Variants in PCP4L1 observed in about 807,000 individuals in gnomAD.
The protein encoded by PCP4L1 is Purkinje cell protein 4-like protein 1.
In PCP4L1, 9 loss-of-function variants were observed where a neutral mutation model predicts 9.6. The ratio of observed to expected loss-of-function variants is 0.94; its 90% CI spans 0.57 to 1.64. PCP4L1 has a LOEUF of 1.64. PCP4L1 is among the 40% of genes most tolerant of loss of function. The pLI is 0.00. For synonymous variants in PCP4L1, 31 were observed against 28.2 expected (o/e 1.10, Z -0.31); for missense variants, 81 against 80.8 (o/e 1.00, Z -0.01).
rs562150101 is a variant in PCP4L1 at position 161,258,777 on chromosome 1, C to G, written c.-198C>G. The G allele has an allele frequency of 7.3e-6, 6 of 824,308 alleles. No homozygotes were observed. In the South Asian group the frequency reaches 9.8e-5, roughly 14 times the overall value. The allele number at this position is 824,308 out of a possible 1,614,324, so 51.1% of individuals were successfully genotyped here. On this transcript the variant is annotated 5_prime_UTR_variant, in exon 1 of 3. Transcript: ENST00000504449. ...TCTGACAGGACGGGTCGCAGGGGGT[C>G]GCCTGGCCGGAGCTGGGCTCCGAGA...
chr1:161,279,373 C>T (rs1669756491), intron 1 of PCP4L1, among the ~76,000 whole-genome samples: 1 of 152,144 alleles, frequency 6.6e-6, no homozygotes, highest in Non-Finnish European at 1.5e-5. Context: ...ACAATACTTG[C>T]CATGTGATTA....
intron 1 of PCP4L1, among the ~76,000 whole-genome samples, chr1:161,281,739 C>A (rs533689926): frequency 0.45 from 57,581 of 127,344 alleles, 14,120 homozygotes; most frequent in East Asian, 0.65. Flanking sequence ...CGCTCCTCAC[C>A]TCCCAGACGG....
At chr1:161,283,068 T>A (rs1165468833) in intron 1 of PCP4L1, among the ~76,000 whole-genome samples, 1 of 152,158 alleles carries the variant, frequency 6.6e-6, no homozygotes. Flanking sequence ...CCCTACATAA[T>A]CTGCTTCCAC....
intron 1 of PCP4L1, among the ~76,000 whole-genome samples, chr1:161,282,522 C>T (rs1320431196): frequency 6.6e-6 from 1 of 152,122 alleles, no homozygotes; most frequent in Non-Finnish European, 1.5e-5. Flanking sequence ...TTGGTGATCC[C>T]ATTCAGTCTC....
intron 1 of PCP4L1, among the ~76,000 whole-genome samples, chr1:161,270,980 G>T (rs1157169165): frequency 3.9e-5 from 6 of 152,120 alleles, no homozygotes; most frequent in Admixed American, 2.0e-4. Flanking sequence ...GGCCTCACCA[G>T]TCATTAATTC....
intron 1 of PCP4L1, among the ~76,000 whole-genome samples, chr1:161,278,452 C>G (rs893007698): frequency 3.4e-5 from 5 of 148,438 alleles, no homozygotes; most frequent in African/African-American, 1.2e-4. Flanking sequence ...CTTTTTCTTT[C>G]GAGATGGGGT....
In PCP4L1 at chr1:161,258,828, C is replaced by T; in HGVS notation, c.-147C>T. The T allele has an allele frequency of 1.6e-6, 2 of 1,249,762 alleles. No individual in the cohort carries two copies. The highest frequency in any genetic ancestry group is 2.6e-5 in the South Asian group (2 of 76,580). The allele number at this position is 1,249,762 out of a possible 1,614,324, so 77.4% of individuals were successfully genotyped here. A position where few individuals can be genotyped will look rare whatever the true frequency, so the allele number is the denominator to read the frequency against. On this transcript the variant is annotated 5_prime_UTR_variant, in exon 1 of 3. Coordinates refer to ENST00000504449, the MANE Select transcript of PCP4L1 (RefSeq NM_001102566.2). The stretch of plus-strand genomic sequence containing the variant: ...ATCCCGGGTGCCAGCACCAGAGCAG[C>T]GGCTCTCCGCACTAACTCTCCTCTC...
intron 1 of PCP4L1, among the ~76,000 whole-genome samples, chr1:161,283,024 G>GT (rs1669849345): frequency 6.6e-6 from 1 of 152,062 alleles, no homozygotes. Flanking sequence ...CTCACTTGTA[G>GT]TAACAGTCAA....
chr1:161,279,877 C>T (rs986436543), intron 1 of PCP4L1, among the ~76,000 whole-genome samples: 2 of 152,104 alleles, frequency 1.3e-5, no homozygotes, highest in Admixed American at 6.5e-5. Flanking sequence ...TATGTCTTGC[C>T]AGGCTGGTCT....
intron 1 of PCP4L1, among the ~76,000 whole-genome samples, chr1:161,270,096 A>T (rs1013331446): frequency 6.6e-6 from 1 of 152,164 alleles, no homozygotes. Flanking sequence ...CAGAAGTTCA[A>T]GACCAGCCTG....
chr1:161,267,928 G>A (rs1669556218), intron 1 of PCP4L1, among the ~76,000 whole-genome samples: 1 of 152,120 alleles, frequency 6.6e-6, no homozygotes, highest in Non-Finnish European at 1.5e-5. Context: ...GGCCAGGCTG[G>A]TCTCAAACTC....
intron 1 of PCP4L1, among the ~76,000 whole-genome samples, chr1:161,273,606 A>AG (rs1669656381): frequency 6.6e-6 from 1 of 152,192 alleles, no homozygotes; most frequent in South Asian, 2.1e-4. Context: ...CAGACTCTGA[A>AG]GGGCTGGGTT....
chr1:161,281,539 G>T (rs577057336), intron 1 of PCP4L1, among the ~76,000 whole-genome samples: 5 of 150,902 alleles, frequency 3.3e-5, no homozygotes, highest in African/African-American at 7.3e-5. Flanking sequence ...CCTCCCGGAC[G>T]GGGCAGCTGG....
In PCP4L1 at chr1:161,284,399, C is replaced by A; in HGVS notation, c.125C>A (p.Ala42Glu). 1 of 1,613,974 alleles carries A rather than the reference C, an allele frequency of 6.2e-7. No homozygotes were observed. Among genetic ancestry groups the A allele is most frequent in the Non-Finnish European group, 8.5e-7 (1 of 1,179,894 alleles). The change falls in exon 3 of 3, where the codon GCA becomes GAA. Residue 42 changes from alanine (A) to glutamate (E), a missense_variant. Transcript: ENST00000504449. ...EEEEIDIDLT[A>E]PETEKAALAI... ...GAGGAGATTGACATTGATCTGACAGCACCAGAAACAGAGAAGGCTGCCCTT... is the reference window on the plus strand; with the variant it reads ...GAGGAGATTGACATTGATCTGACAGAACCAGAAACAGAGAAGGCTGCCCTT...
At chr1:161,272,445 C>A (rs1397020154) in intron 1 of PCP4L1, among the ~76,000 whole-genome samples, 1 of 151,524 alleles carries the variant, frequency 6.6e-6, no homozygotes, top group African/African-American at 2.4e-5. Flanking sequence ...GTAATCCCAG[C>A]TACGCGGGAG....
chr1:161,283,618 A>G, intron 1 of PCP4L1, 50 bp from the exon 2 acceptor site: 6 of 1,519,082 alleles, frequency 3.9e-6, no homozygotes, highest in Non-Finnish European at 5.4e-6. Context: ...GATGCCTTCA[A>G]ATTACTTCCA....
At chr1:161,276,941 C>A (rs536811513) in intron 1 of PCP4L1, among the ~76,000 whole-genome samples, 1 of 151,850 alleles carries the variant, frequency 6.6e-6, no homozygotes, top group Non-Finnish European at 1.5e-5. Context: ...TTTATTGGAA[C>A]CATTTACCAG....
chr1:161,278,427 T>C (rs1411590685), intron 1 of PCP4L1, among the ~76,000 whole-genome samples: 2 of 152,044 alleles, frequency 1.3e-5, no homozygotes, highest in Non-Finnish European at 2.9e-5. Context: ...TTCCTTCTTT[T>C]TTTTCTTTTC....
At chr1:161,283,751 A>G (rs1469207818) in intron 2 of PCP4L1, 29 bp downstream of exon 2, 1 of 1,587,572 alleles carries the variant, frequency 6.3e-7, no homozygotes, top group Admixed American at 1.8e-5. Flanking sequence ...GGCAGTTTGT[A>G]GAGCAGGTGA....
Sources: gnomAD v4.1 joint callset for allele counts (sites outside exome capture counted in the v4.1 genomes callset) on GRCh38, gnomAD v4.1.1 for gene constraint, MANE v1.5 for transcripts, NCBI Gene and HGNC (gene_info 2026-07-23, HGNC 2026-07-21) for gene names.